The following CPA6 variants were observed in gnomAD, a reference collection of about 807,000 sequenced individuals.
CPA6 encodes the protein carboxypeptidase A6.
In CPA6, 58 loss-of-function variants were observed where a neutral mutation model predicts 63.3. That is an observed-to-expected ratio of 0.92 (90% CI 0.74 to 1.14). The LOEUF (loss-of-function observed/expected upper bound fraction) is 1.14. Among genes scored for constraint, CPA6 ranks in the 50% most tolerant of loss-of-function variants. The pLI is 0.00. For synonymous variants in CPA6, 185 were observed against 179.0 expected, an observed-to-expected ratio of 1.03 and a Z score of -0.27; for missense variants, 565 against 526.6, an observed-to-expected ratio of 1.07 and a Z score of -0.71.
chr8:67,474,234 T>G (rs1315493233), intron 8 of CPA6, among the ~76,000 whole-genome samples: 1 of 152,192 alleles, frequency 6.6e-6, no homozygotes, highest in African/African-American at 2.4e-5. Context: ...ATTTTTTATT[T>G]TTTTTGAGAC....
intron 1 of CPA6, among the ~76,000 whole-genome samples, chr8:67,738,331 A>G (rs1490230425): frequency 6.6e-6 from 1 of 152,130 alleles, no homozygotes; most frequent in Non-Finnish European, 1.5e-5. Context: ...TTTTCTTTCC[A>G]CTTTCCTGCT....
At chr8:67,492,694 C>T (rs77813540) in intron 6 of CPA6, among the ~76,000 whole-genome samples, 7 of 152,210 alleles carry the variant, frequency 4.6e-5, no homozygotes, top group African/African-American at 1.4e-4. Context: ...CTTCAGCTTG[C>T]GTCGCCACTT....
At chr8:67,656,703 G>A (rs1376185044) in intron 1 of CPA6, among the ~76,000 whole-genome samples, 1 of 152,168 alleles carries the variant, frequency 6.6e-6, no homozygotes, top group East Asian at 1.9e-4. Context: ...GATTCAATGA[G>A]AATAGAAATG....
At chr8:67,681,249 C>T (rs1458592225) in intron 1 of CPA6, among the ~76,000 whole-genome samples, 2 of 119,152 alleles carry the variant, frequency 1.7e-5, no homozygotes, top group East Asian at 4.6e-4. Context: ...GTCGCCCAGG[C>T]CGGACTGCGG....
intron 1 of CPA6, among the ~76,000 whole-genome samples, chr8:67,668,106 C>T (rs183824365): frequency 7.0e-4 from 106 of 152,328 alleles, no homozygotes; most frequent in Middle Eastern, 6.8e-3. Flanking sequence ...TGTGCATATG[C>T]ACAAGAAGAC....
At chr8:67,703,844 A>T (rs1215441100) in intron 1 of CPA6, among the ~76,000 whole-genome samples, 1 of 152,144 alleles carries the variant, frequency 6.6e-6, no homozygotes, top group African/African-American at 2.4e-5. Flanking sequence ...TCCAGGGCCA[A>T]GATTTTTTGC....
intron 6 of CPA6, among the ~76,000 whole-genome samples, chr8:67,504,642 T>G (rs1382254529): frequency 2.6e-5 from 4 of 152,112 alleles, no homozygotes; most frequent in African/African-American, 7.2e-5. Flanking sequence ...AAGCACATCA[T>G]CCCCCAGTGA....
intron 10 of CPA6, 97 bp downstream of exon 10, chr8:67,427,950 T>C: frequency 1.3e-6 from 1 of 767,930 alleles, no homozygotes; most frequent in Non-Finnish European, 2.2e-6. Flanking sequence ...ATTTTCACTT[T>C]AGGGAGAACA....
chr8:67,448,568 G>T (rs963617875), intron 8 of CPA6, among the ~76,000 whole-genome samples: 1 of 140,200 alleles, frequency 7.1e-6, no homozygotes, highest in Non-Finnish European at 1.5e-5. Flanking sequence ...GAAAGTCGAG[G>T]TTGCTGTGAG....
At chr8:67,433,966 G>T in intron 9 of CPA6, 72 bp downstream of exon 9, 2 of 998,920 alleles carry the variant, frequency 2.0e-6, no homozygotes, top group Non-Finnish European at 1.6e-6. Flanking sequence ...ATTATCATTA[G>T]TACTTAGAAC....
At chr8:67,586,915 C>A (rs1216504252) in intron 2 of CPA6, among the ~76,000 whole-genome samples, 2 of 152,108 alleles carry the variant, frequency 1.3e-5, no homozygotes, top group Non-Finnish European at 2.9e-5. Flanking sequence ...TTTTAGAGAA[C>A]CATGTTATTG....
intron 1 of CPA6, among the ~76,000 whole-genome samples, chr8:67,720,567 G>A (rs995504518): frequency 2.6e-4 from 39 of 152,150 alleles, no homozygotes; most frequent in African/African-American, 9.4e-4. Context: ...CGGGCGGGAG[G>A]GGATGGGATC....
intron 1 of CPA6, among the ~76,000 whole-genome samples, chr8:67,724,246 C>T (rs1169406988): frequency 6.6e-6 from 1 of 152,166 alleles, no homozygotes; most frequent in Non-Finnish European, 1.5e-5. Flanking sequence ...TTCTCACACT[C>T]ACCTCTTTTC....
intron 1 of CPA6, among the ~76,000 whole-genome samples, chr8:67,666,231 A>G (rs1177078826): frequency 6.6e-6 from 1 of 152,118 alleles, no homozygotes; most frequent in African/African-American, 2.4e-5. Context: ...CTATTTTACT[A>G]TTCTTCCCCG....
intron 1 of CPA6, among the ~76,000 whole-genome samples, chr8:67,712,868 A>T (rs952782127): frequency 6.6e-6 from 1 of 150,608 alleles, no homozygotes; most frequent in Non-Finnish European, 1.5e-5. Flanking sequence ...CTGTACACGG[A>T]CCCGCCTGTG....
intron 1 of CPA6, among the ~76,000 whole-genome samples, chr8:67,676,600 A>G (rs1816480108): frequency 6.6e-6 from 1 of 152,190 alleles, no homozygotes. Context: ...TTATAGATTA[A>G]TTGCACAGAA....
intron 1 of CPA6, among the ~76,000 whole-genome samples, chr8:67,691,653 G>A (rs1292943337): frequency 2.0e-5 from 3 of 152,066 alleles, no homozygotes; most frequent in Non-Finnish European, 4.4e-5. Context: ...GTTGATTTGT[G>A]ATATTTAAAT....
At chr8:67,662,986 A>G (rs138137290) in intron 1 of CPA6, among the ~76,000 whole-genome samples, 10 of 152,142 alleles carry the variant, frequency 6.6e-5, no homozygotes, top group African/African-American at 1.9e-4. Context: ...TCTGTTCTCT[A>G]AGAAACAGGC....
chr8:67,712,981 C>T (rs892454823), intron 1 of CPA6, among the ~76,000 whole-genome samples: 15 of 151,082 alleles, frequency 9.9e-5, no homozygotes, highest in African/African-American at 3.6e-4. Context: ...TGCAAAGAGT[C>T]ATGATTAAAA....
Sources: gnomAD v4.1 joint callset for allele counts (sites outside exome capture counted in the v4.1 genomes callset) on GRCh38, gnomAD v4.1.1 for gene constraint, MANE v1.5 for transcripts, NCBI Gene and HGNC (gene_info 2026-07-23, HGNC 2026-07-21) for gene names.